Variants in DCLK2 observed in about 807,000 individuals in gnomAD.
DCLK2 encodes serine/threonine-protein kinase DCLK2.
DCLK2 carries 31 observed loss-of-function variants against 78.4 expected under a neutral mutation model. The ratio of observed to expected loss-of-function variants is 0.40; its 90% CI spans 0.30 to 0.53. DCLK2 has a LOEUF of 0.53. DCLK2 is among the 20% of genes least tolerant of loss of function. The probability of loss-of-function intolerance (pLI) is 0.61; values close to 1 mark genes in which losing one functional copy is unlikely to be tolerated. For missense variants in DCLK2, 872 were observed against 973.7 expected (o/e 0.90, Z 1.39); for synonymous variants, 407 against 374.9 (o/e 1.09, Z -0.99).
At chr4:150,175,256 AAATTCCTGTGTTGGTGG>A (rs1438826953) in intron 2 of DCLK2, among the ~76,000 whole-genome samples, 1 of 119,812 alleles carries the variant, frequency 8.3e-6, no homozygotes, top group Non-Finnish European at 1.7e-5. Context: ...TTTGTTCAGC[AAATTCCTGTGTTGGTGG>A]GACTATTTAG....
chr4:150,241,139 T>G (rs1039021522), intron 12 of DCLK2, among the ~76,000 whole-genome samples: 1 of 152,254 alleles, frequency 6.6e-6, no homozygotes, highest in African/African-American at 2.4e-5. Context: ...AAACAGGATC[T>G]CTTTCTTCTT....
At chr4:150,233,645 T>C (rs1377248314) in intron 10 of DCLK2, among the ~76,000 whole-genome samples, 2 of 152,152 alleles carry the variant, frequency 1.3e-5, no homozygotes, top group African/African-American at 2.4e-5. Context: ...CATTTTTTTT[T>C]CTTAGAAGTC....
Position 150,100,470 on chromosome 4 carries a change from T to A in DCLK2, c.422-2008T>A, listed in dbSNP as rs1580499475. Among the ~76,000 whole-genome samples, 4 of 152,336 alleles carry A rather than the reference T, an allele frequency of 2.6e-5. No individual in the cohort carries two copies. In the South Asian group the frequency reaches 8.3e-4, roughly 32 times the overall value. ...TGCTCTTGTTTTGTTTCTTTTTTCATTGTTACTCTTTATGTTGGGACAGGC... is the reference window on the plus strand; with the variant it reads ...TGCTCTTGTTTTGTTTCTTTTTTCAATGTTACTCTTTATGTTGGGACAGGC... On this transcript the variant is annotated intron_variant, in intron 1 of 15. Coordinates refer to ENST00000296550, the MANE Select transcript of DCLK2 (RefSeq NM_001040260.4).
intron 2 of DCLK2, among the ~76,000 whole-genome samples, chr4:150,149,105 G>C (rs1734703010): frequency 1.4e-5 from 2 of 147,410 alleles, no homozygotes; most frequent in South Asian, 4.3e-4. Flanking sequence ...AAGAAAGAAA[G>C]AAAGAAAGAA....
chr4:150,220,890 C>G lies in DCLK2; in HGVS notation c.1132+112C>G, dbSNP rs924621114. The stretch of plus-strand genomic sequence containing the variant: ...CGATCTTCCTAAAGAGGGATGTGAT[C>G]ACATCACCTGTCAGCCCCTTTGGCC... On this transcript the variant is annotated intron_variant, in intron 6 of 15. Coordinates refer to ENST00000296550, the MANE Select transcript of DCLK2 (RefSeq NM_001040260.4). The G allele has an allele frequency of 4.8e-6, 4 of 833,234 alleles. No homozygotes were observed. In the African/African-American group the frequency reaches 6.8e-5, roughly 14 times the overall value. The allele number at this position is 833,234 out of a possible 1,614,324, so 51.6% of individuals were successfully genotyped here. A position where few individuals can be genotyped will look rare whatever the true frequency, so the allele number is the denominator to read the frequency against.
intron 1 of DCLK2, among the ~76,000 whole-genome samples, chr4:150,089,490 A>T (rs944392794): frequency 6.6e-6 from 1 of 152,218 alleles, no homozygotes; most frequent in African/African-American, 2.4e-5. Flanking sequence ...CCACGTTTCA[A>T]TGTGAAGGTT....
chr4:150,094,896 C>T (rs1730347466), intron 1 of DCLK2, among the ~76,000 whole-genome samples: 1 of 152,100 alleles, frequency 6.6e-6, no homozygotes, highest in East Asian at 1.9e-4. Flanking sequence ...AACACCTTAC[C>T]CACATGTTCA....
intron 2 of DCLK2, among the ~76,000 whole-genome samples, chr4:150,120,188 A>G (rs1338502799): frequency 6.6e-6 from 1 of 152,218 alleles, no homozygotes; most frequent in Non-Finnish European, 1.5e-5. Context: ...GATACAGGAA[A>G]ATATTTAGTC....
At chr4:150,208,163 A>G (rs919731079) in intron 5 of DCLK2, among the ~76,000 whole-genome samples, 6 of 152,316 alleles carry the variant, frequency 3.9e-5, no homozygotes, top group East Asian at 1.9e-4. Flanking sequence ...GGATTCTGCA[A>G]GGACAGGGAG....
intron 4 of DCLK2, 53 bp from the exon 5 acceptor site, chr4:150,203,742 G>A (rs2126452071): frequency 7.0e-7 from 1 of 1,423,704 alleles, no homozygotes; most frequent in East Asian, 2.3e-5. Context: ...TATACAGTCT[G>A]GTTGTTGTGG....
At chr4:150,110,712 A>G (rs1214083801) in intron 2 of DCLK2, among the ~76,000 whole-genome samples, 4 of 152,160 alleles carry the variant, frequency 2.6e-5, no homozygotes, top group African/African-American at 9.6e-5. Flanking sequence ...CTTAGTTCCC[A>G]CTTAAAAGTG....
At chr4:150,116,529 C>T (rs189045884) in intron 2 of DCLK2, among the ~76,000 whole-genome samples, 20 of 152,274 alleles carry the variant, frequency 1.3e-4, no homozygotes, top group Non-Finnish European at 2.2e-4. Context: ...GCTGCTGCTC[C>T]TCTAGGTCTA....
At chr4:150,190,073 T>C (rs1343585019) in intron 2 of DCLK2, among the ~76,000 whole-genome samples, 1 of 76,288 alleles carries the variant, frequency 1.3e-5, no homozygotes, top group African/African-American at 3.8e-5. Flanking sequence ...GTGGCTGTGG[T>C]CCCAGCTACT....
intron 2 of DCLK2, among the ~76,000 whole-genome samples, chr4:150,169,378 G>A (rs1172059950): frequency 6.6e-6 from 1 of 152,210 alleles, no homozygotes; most frequent in African/African-American, 2.4e-5. Flanking sequence ...GGGTTCAGAG[G>A]CCTGGTGCAG....
At chr4:150,091,767 TTATGTGTGTGTG>T (rs1434365674) in intron 1 of DCLK2, among the ~76,000 whole-genome samples, 67 of 133,720 alleles carry the variant, frequency 5.0e-4, no homozygotes, top group African/African-American at 1.2e-3. Flanking sequence ...AAAGGAACAT[TTATGTGTGTGTG>T]TGTGTGTGTG....
chr4:150,199,302 T>C (rs1286657532), intron 4 of DCLK2, among the ~76,000 whole-genome samples: 4 of 152,188 alleles, frequency 2.6e-5, no homozygotes, highest in Non-Finnish European at 5.9e-5. Flanking sequence ...GTCTGTATAG[T>C]CAGGAATACA....
intron 15 of DCLK2, 66 bp downstream of exon 15, chr4:150,249,750 C>T (rs1743613910): frequency 1.6e-6 from 2 of 1,278,082 alleles, no homozygotes; most frequent in African/African-American, 1.5e-5. Context: ...AATTAGGTAG[C>T]CGGGAGCTGC....
chr4:150,239,382 G>T (rs1354009302), intron 10 of DCLK2, among the ~76,000 whole-genome samples: 1 of 152,094 alleles, frequency 6.6e-6, no homozygotes, highest in South Asian at 2.1e-4. Flanking sequence ...CAGATCTCAC[G>T]ATCCCAGGAG....
chr4:150,100,394 A>T (rs1183378272), intron 1 of DCLK2, among the ~76,000 whole-genome samples: 1 of 152,228 alleles, frequency 6.6e-6, no homozygotes, highest in African/African-American at 2.4e-5. Flanking sequence ...CCTTGTGGAT[A>T]TGTCAACTGT....
Sources: gnomAD v4.1 joint callset for allele counts (sites outside exome capture counted in the v4.1 genomes callset) on GRCh38, gnomAD v4.1.1 for gene constraint, MANE v1.5 for transcripts, NCBI Gene and HGNC (gene_info 2026-07-23, HGNC 2026-07-21) for gene names.